REDIC1: variants seen among roughly 807,000 people sequenced by gnomAD.
The protein encoded by REDIC1 is HEI10 Interacting Protein 1.
chr12:39,714,356 T>TATATACATGCATATATGTATATAC, the REDIC1 span, among the ~76,000 whole-genome samples: 2 of 148,020 alleles, frequency 1.4e-5, no homozygotes, highest in African/African-American at 2.5e-5. Context: ...TATGTATATG[T>TATATACATGCATATATGTATATAC]GTATATATGT....
the REDIC1 span, among the ~76,000 whole-genome samples, chr12:39,895,262 G>A: frequency 7.9e-5 from 12 of 151,734 alleles, no homozygotes; most frequent in East Asian, 5.8e-4. Context: ...AGGCCGAGGC[G>A]GGCGGATCAT....
At chr12:39,895,086 C>A in the REDIC1 span, among the ~76,000 whole-genome samples, 1 of 151,956 alleles carries the variant, frequency 6.6e-6, no homozygotes, top group African/African-American at 2.4e-5. Context: ...CCAGGCTGGT[C>A]TTGAACTTCT....
the REDIC1 span, chr12:39,720,963 C>A: frequency 6.2e-7 from 1 of 1,613,710 alleles, no homozygotes; most frequent in Non-Finnish European, 8.5e-7. Flanking sequence ...TCTACCAGTT[C>A]TCAGTGAAAA....
At chr12:39,665,476 C>G in the REDIC1 span, among the ~76,000 whole-genome samples, 4 of 150,042 alleles carry the variant, frequency 2.7e-5, no homozygotes, top group African/African-American at 7.3e-5. Flanking sequence ...TTTACTGTAG[C>G]CTTGTAGTAT....
the REDIC1 span, among the ~76,000 whole-genome samples, chr12:39,671,033 T>C: frequency 2.0e-5 from 3 of 152,338 alleles, no homozygotes; most frequent in South Asian, 6.2e-4. Context: ...AGGTATTTCA[T>C]AAATTTCTTT....
At chr12:39,845,077 T>A in the REDIC1 span, among the ~76,000 whole-genome samples, 1 of 152,038 alleles carries the variant, frequency 6.6e-6, no homozygotes, top group Admixed American at 6.6e-5. Context: ...AACTAATTAC[T>A]TTTTACTGTT....
the REDIC1 span, among the ~76,000 whole-genome samples, chr12:39,900,218 C>T: frequency 6.6e-6 from 1 of 151,986 alleles, no homozygotes; most frequent in Non-Finnish European, 1.5e-5. Context: ...TCTATGACAA[C>T]CCCACAGCCA....
chr12:39,811,228 AATCTGCTT>A, the REDIC1 span, among the ~76,000 whole-genome samples: 1 of 152,008 alleles, frequency 6.6e-6, no homozygotes, highest in African/African-American at 2.4e-5. Context: ...GCTATGACTT[AATCTGCTT>A]TTTATTGATC....
the REDIC1 span, among the ~76,000 whole-genome samples, chr12:39,854,489 A>C: frequency 6.6e-6 from 1 of 152,116 alleles, no homozygotes; most frequent in Non-Finnish European, 1.5e-5. Flanking sequence ...CTTTTCCCTC[A>C]TACTTTGCCT....
the REDIC1 span, among the ~76,000 whole-genome samples, chr12:39,704,409 AAGTC>A: frequency 1.3e-5 from 2 of 152,164 alleles, no homozygotes; most frequent in African/African-American, 4.8e-5. Flanking sequence ...AATCATTAAA[AAGTC>A]AGGAAACAAC....
chr12:39,798,754 T>A, the REDIC1 span, among the ~76,000 whole-genome samples: 8 of 152,146 alleles, frequency 5.3e-5, no homozygotes, highest in Non-Finnish European at 1.0e-4. Flanking sequence ...TTTGGAAACA[T>A]AAAAATCTTT....
chr12:39,888,831 T>C, the REDIC1 span, among the ~76,000 whole-genome samples: 1 of 152,196 alleles, frequency 6.6e-6, no homozygotes, highest in African/African-American at 2.4e-5. Flanking sequence ...CTTAACTCTA[T>C]ATTGTGACAC....
the REDIC1 span, chr12:39,683,266 A>G: frequency 8.3e-7 from 1 of 1,211,114 alleles, no homozygotes; most frequent in East Asian, 2.5e-5. Flanking sequence ...TTGGAGGAAA[A>G]TGAAACCAAA....
the REDIC1 span, among the ~76,000 whole-genome samples, chr12:39,720,486 G>C: frequency 6.6e-6 from 1 of 151,978 alleles, no homozygotes; most frequent in Non-Finnish European, 1.5e-5. Context: ...TAGAGCCTGT[G>C]ATTATAGGGA....
At chr12:39,876,948 G>A in the REDIC1 span, among the ~76,000 whole-genome samples, 1 of 152,112 alleles carries the variant, frequency 6.6e-6, no homozygotes, top group African/African-American at 2.4e-5. Flanking sequence ...AGACCTTAAA[G>A]ATTTCCATTA....
chr12:39,825,260 G>A, the REDIC1 span, among the ~76,000 whole-genome samples: 9 of 152,106 alleles, frequency 5.9e-5, no homozygotes, highest in Admixed American at 1.3e-4. Context: ...TTAAGGTTTT[G>A]TATATATGGA....
chr12:39,711,745 A>G, the REDIC1 span, among the ~76,000 whole-genome samples: 874 of 73,908 alleles, frequency 0.012, 73 homozygotes, highest in African/African-American at 0.033. Flanking sequence ...GTATGTGTGT[A>G]TACACATGCA....
the REDIC1 span, chr12:39,646,829 C>CT: frequency 6.8e-7 from 1 of 1,470,664 alleles, no homozygotes; most frequent in African/African-American, 1.4e-5. Context: ...CTAAATTTTT[C>CT]TTTTCATTAG....
the REDIC1 span, among the ~76,000 whole-genome samples, chr12:39,816,193 T>A: frequency 2.0e-5 from 3 of 152,192 alleles, no homozygotes; most frequent in Non-Finnish European, 4.4e-5. Flanking sequence ...ACGCTAGTTA[T>A]GATTCTCAAA....
Sources: gnomAD v4.1 joint callset for allele counts (sites outside exome capture counted in the v4.1 genomes callset) on GRCh38, gnomAD v4.1.1 for gene constraint, MANE v1.5 for transcripts, NCBI Gene and HGNC (gene_info 2026-07-23, HGNC 2026-07-21) for gene names.